The following GSPT1 variants were observed in gnomAD, a reference collection of about 807,000 sequenced individuals.
The protein encoded by GSPT1 is eukaryotic peptide chain release factor GTP-binding subunit ERF3A.
A neutral mutation model predicts 72.5 loss-of-function variants in GSPT1; 20 were observed. The ratio of observed to expected loss-of-function variants is 0.28; its 90% CI spans 0.19 to 0.40. The LOEUF (loss-of-function observed/expected upper bound fraction) is 0.40, where lower values mean the gene tolerates loss of function less well. Among genes scored for constraint, GSPT1 ranks in the 10% least tolerant of loss-of-function variants. The pLI, the probability that GSPT1 is intolerant of heterozygous loss-of-function variation, is 1.00. For missense variants in GSPT1, 580 were observed against 811.9 expected (o/e 0.71, Z 3.47); for synonymous variants, 334 against 293.5 (o/e 1.14, Z -1.41).
intron 10 of GSPT1, among the ~76,000 whole-genome samples, chr16:11,884,005 C>A (rs545223410): frequency 6.6e-6 from 1 of 151,754 alleles, no homozygotes; most frequent in Non-Finnish European, 1.5e-5. Context: ...GATCTCTAGG[C>A]CTGTTTCCTC....
intron 11 of GSPT1, among the ~76,000 whole-genome samples, chr16:11,878,468 C>G (rs1288228405): frequency 6.6e-6 from 1 of 151,958 alleles, no homozygotes. Context: ...AGTCCACATG[C>G]CTTTAGCCCC....
chr16:11,878,412 C>T (rs1489563969), intron 11 of GSPT1, among the ~76,000 whole-genome samples: 4 of 152,014 alleles, frequency 2.6e-5, no homozygotes, highest in Admixed American at 2.6e-4. Flanking sequence ...CCACTGTGCC[C>T]GGCCTAAACT....
intron 1 of GSPT1, among the ~76,000 whole-genome samples, chr16:11,913,538 C>G (rs922367645): frequency 6.6e-6 from 1 of 152,214 alleles, no homozygotes; most frequent in East Asian, 1.9e-4. Flanking sequence ...AATACCTAGT[C>G]ACCAACAGTG....
chr16:11,873,271 T>C, intron 14 of GSPT1, 100 bp from the exon 15 acceptor site: 2 of 612,824 alleles, frequency 3.3e-6, no homozygotes, highest in East Asian at 2.8e-5. Context: ...TTTTTTACAA[T>C]GTAAGTTACT....
intron 14 of GSPT1, among the ~76,000 whole-genome samples, chr16:11,874,386 A>G (rs958216421): frequency 7.3e-5 from 11 of 149,792 alleles, no homozygotes; most frequent in African/African-American, 2.7e-4. Flanking sequence ...TCCTTCTGGT[A>G]GTAATCCTGT....
intron 1 of GSPT1, among the ~76,000 whole-genome samples, chr16:11,907,386 T>C (rs1222147715): frequency 6.6e-6 from 1 of 152,230 alleles, no homozygotes; most frequent in East Asian, 1.9e-4. Context: ...CTTTATTTTC[T>C]CATCTGTAAA....
intron 11 of GSPT1, among the ~76,000 whole-genome samples, chr16:11,878,413 G>T (rs772567206): frequency 6.6e-6 from 1 of 151,898 alleles, no homozygotes; most frequent in African/African-American, 2.4e-5. Flanking sequence ...CACTGTGCCC[G>T]GCCTAAACTC....
Position 11,883,049 on chromosome 16 carries a change from C to T in GSPT1, c.1394G>A (p.Cys465Tyr). The T allele has an allele frequency of 6.2e-7, 1 of 1,607,904 alleles. No individual in the cohort carries two copies. Residue 465 changes from cysteine to tyrosine, a missense_variant, in exon 11 of 15, where the codon TGT (cysteine) becomes TAT (tyrosine). Cys to Tyr is a radical substitution (Grantham distance 194, BLOSUM62 -2). Transcript: ENST00000434724. ...VLGKLESGSI[C>Y]KGQQLVMMPN... is the part of the protein sequence containing the mutation. ...CATCATCACAAGCTGCTGGCCTTTA[C>T]AAATAGATCCTGATTCCAGCTTTCC...
chr16:11,906,413 T>C (rs1043846445), intron 1 of GSPT1, among the ~76,000 whole-genome samples: 5 of 152,290 alleles, frequency 3.3e-5, no homozygotes, highest in African/African-American at 1.2e-4. Flanking sequence ...AGAGGGTTGC[T>C]TGAGGCCAAG....
chr16:11,888,903 A>T (rs1475852742), intron 6 of GSPT1, among the ~76,000 whole-genome samples: 1 of 152,242 alleles, frequency 6.6e-6, no homozygotes, highest in Non-Finnish European at 1.5e-5. Flanking sequence ...TACAAATGCC[A>T]ATATCACTGT....
At position 11,915,911 on chromosome 16, in the gene GSPT1, A is replaced by AGGC. The variant is rs757950220; in HGVS notation, c.-194_-192dup. Reference sequence around the variant, plus strand: ...GACTCCACACTCGCGACGACGACAGAGGCGGCGGCGGCGGCAGCTCAACCC... The same window carrying AGGC: ...GACTCCACACTCGCGACGACGACAGAGGCGGCGGCGGCGGCGGCAGCTCAACCC... On this transcript the variant is annotated 5_prime_UTR_variant, in exon 1 of 15. Transcript: ENST00000434724. 95 of 831,480 alleles carry AGGC rather than the reference A, an allele frequency of 1.1e-4. No individual in the cohort carries two copies. Among genetic ancestry groups the AGGC allele is most frequent in the Middle Eastern group, 1.1e-3 (5 of 4,486 alleles). The allele number at this position is 831,480 out of a possible 1,614,324, so 51.5% of individuals were successfully genotyped here.
intron 5 of GSPT1, among the ~76,000 whole-genome samples, chr16:11,893,694 G>A (rs1365899674): frequency 1.3e-5 from 2 of 151,998 alleles, no homozygotes; most frequent in African/African-American, 2.4e-5. Context: ...CCAGTGTGAC[G>A]CCACCAAAAC....
At chr16:11,915,192 G>A (rs1226007051) in intron 1 of GSPT1, 177 bp downstream of exon 1, 6 of 1,056,678 alleles carry the variant, frequency 5.7e-6, no homozygotes, top group Non-Finnish European at 6.8e-6. Context: ...CCACCGCCGC[G>A]GGCCGCCCCG....
chr16:11,880,823 T>A (rs1042875182), intron 11 of GSPT1, among the ~76,000 whole-genome samples: 4 of 152,262 alleles, frequency 2.6e-5, no homozygotes, highest in Non-Finnish European at 5.9e-5. Context: ...CATATTTAGA[T>A]ACATGATTGG....
rs902991145 is a variant in GSPT1 at position 11,889,329 on chromosome 16, C to CTTTTT, written c.777-1584_777-1580dup. Among the ~76,000 whole-genome samples, 156 of 60,070 alleles carry CTTTTT rather than the reference C, an allele frequency of 2.6e-3. 16 individuals are homozygous for CTTTTT. Among genetic ancestry groups the CTTTTT allele is most frequent in the African/African-American group, 6.0e-3 (80 of 13,342 alleles). The allele number at this position is 60,070 out of a possible 152,430, so 39.4% of individuals were successfully genotyped here. A position where few individuals can be genotyped will look rare whatever the true frequency, so the allele number is the denominator to read the frequency against. On this transcript the variant is annotated intron_variant, in intron 6 of 14. Transcript: ENST00000434724. The stretch of plus-strand genomic sequence containing the variant: ...GCCCGGCACCCCCACCCCTCTTCTT[C>CTTTTT]TTTTTTTTTTTTTTTTTTTTTTTTT...
At chr16:11,911,060 C>A (rs2054551087) in intron 1 of GSPT1, among the ~76,000 whole-genome samples, 1 of 152,332 alleles carries the variant, frequency 6.6e-6, no homozygotes, top group East Asian at 1.9e-4. Flanking sequence ...CTCCTCTACC[C>A]CATCTGCTGT....
At position 11,915,752 on chromosome 16, in the gene GSPT1, G is replaced by A. The variant is rs2054628399; in HGVS notation, c.-32C>T. ...GGGGGCCGTGTGTGTGGTGGACAGAGAGCGGGAAATGGAGGCAGGGGCGCC... is the reference window on the plus strand; with the variant it reads ...GGGGGCCGTGTGTGTGGTGGACAGAAAGCGGGAAATGGAGGCAGGGGCGCC... On this transcript the variant is annotated 5_prime_UTR_variant, in exon 1 of 15. Coordinates refer to ENST00000434724, the MANE Select transcript of GSPT1 (RefSeq NM_002094.4). The A allele has an allele frequency of 3.9e-6, 6 of 1,550,190 alleles. No homozygotes were observed. The highest frequency in any genetic ancestry group is 2.4e-5 in the East Asian group (1 of 41,970).
chr16:11,890,392 C>T (rs1206949541), intron 6 of GSPT1, among the ~76,000 whole-genome samples: 1 of 152,170 alleles, frequency 6.6e-6, no homozygotes, highest in Non-Finnish European at 1.5e-5. Flanking sequence ...GGCAAAAATT[C>T]ATATAAATTC....
At chr16:11,900,942 G>T (rs1261895132) in intron 1 of GSPT1, among the ~76,000 whole-genome samples, 1 of 152,054 alleles carries the variant, frequency 6.6e-6, no homozygotes, top group African/African-American at 2.4e-5. Context: ...TGGGAGGATG[G>T]CAAGAGTTTG....
Sources: allele counts gnomAD v4.1 joint callset (sites outside exome capture counted in the v4.1 genomes callset), GRCh38; gene constraint gnomAD v4.1.1; transcripts MANE v1.5; gene names NCBI Gene and HGNC (gene_info 2026-07-23, HGNC 2026-07-21).